Variants in C10orf90 observed in about 807,000 individuals in gnomAD.
C10orf90 encodes chromosome 10 open reading frame 90.
Under a neutral mutation model 62.5 loss-of-function variants are expected in C10orf90, and 56 were observed. The ratio of observed to expected loss-of-function variants is 0.90; its 90% CI spans 0.72 to 1.12. C10orf90 has a LOEUF of 1.12. Ranked by LOEUF, C10orf90 falls within the 50% of genes most tolerant of loss-of-function variation. The pLI is 0.00. For missense variants in C10orf90, 970 were observed against 880.4 expected, an observed-to-expected ratio of 1.10 and a Z score of -1.29; for synonymous variants, 386 against 340.4, an observed-to-expected ratio of 1.13 and a Z score of -1.47.
At chr10:126,558,483 C>T (rs536894253) in intron 2 of C10orf90, among the ~76,000 whole-genome samples, 18 of 152,314 alleles carry the variant, frequency 1.2e-4, no homozygotes, top group South Asian at 6.2e-4. Context: ...ATTCTGCAGG[C>T]GGGCTGTGCA....
chr10:126,603,512 G>A (rs1308356563), intron 2 of C10orf90, among the ~76,000 whole-genome samples: 1 of 152,140 alleles, frequency 6.6e-6, no homozygotes, highest in African/African-American at 2.4e-5. Flanking sequence ...ATATCATCAT[G>A]CATGTCATCC....
intron 8 of C10orf90, among the ~76,000 whole-genome samples, chr10:126,426,955 C>G (rs1174607908): frequency 1.3e-5 from 2 of 152,198 alleles, no homozygotes; most frequent in African/African-American, 4.8e-5. Context: ...TTCATATTCA[C>G]CACAGTTGGA....
intron 2 of C10orf90, among the ~76,000 whole-genome samples, chr10:126,605,879 G>GCATACATACATACATACATACATA (rs71488504): frequency 1.4e-5 from 2 of 142,698 alleles, no homozygotes; most frequent in African/African-American, 6.0e-5. Context: ...ATACATACAT[G>GCATACATACATACATACATACATA]CATACATACA....
chr10:126,565,437 TACACACAC>T (rs71032507), intron 2 of C10orf90, among the ~76,000 whole-genome samples: 6 of 72,442 alleles, frequency 8.3e-5, no homozygotes, highest in African/African-American at 3.1e-4. Flanking sequence ...ATATATATTA[TACACACAC>T]ACACACACAC....
chr10:126,538,122 C>A (rs1437593699), intron 2 of C10orf90, among the ~76,000 whole-genome samples: 1 of 152,296 alleles, frequency 6.6e-6, no homozygotes, highest in African/African-American at 2.4e-5. Flanking sequence ...GGAGGCCTCA[C>A]AATCATGGTG....
intron 7 of C10orf90, among the ~76,000 whole-genome samples, chr10:126,444,127 A>T (rs1858581158): frequency 6.6e-6 from 1 of 152,116 alleles, no homozygotes; most frequent in Non-Finnish European, 1.5e-5. Context: ...AAGGATGCCC[A>T]CGCTCACCAC....
Position 126,651,246 on chromosome 10 carries a change from T to C in C10orf90, c.241-4609A>G, listed in dbSNP as rs2133858602. ...CCTGAGTACTCACTATGGATCCTAA[T>C]CTGCAATGCTAACATGCATAAAGCT... On this transcript the variant is annotated intron_variant, in intron 1 of 9. Transcript: ENST00000488181. Among the ~76,000 whole-genome samples the C allele has an allele frequency of 3.3e-5, 5 of 152,304 alleles. 2 individuals are homozygous for C. Among genetic ancestry groups the C allele is most frequent in the Admixed American group, 3.3e-4 (5 of 15,300 alleles).
chr10:126,537,904 T>A (rs1864276039), intron 2 of C10orf90, among the ~76,000 whole-genome samples: 2 of 152,148 alleles, frequency 1.3e-5, no homozygotes, highest in Non-Finnish European at 2.9e-5. Context: ...TAAAATGAGG[T>A]CGTTAGAGTG....
rs148396479 is a variant in C10orf90 at position 126,626,542 on chromosome 10, T to C, written c.313+20023A>G. On this transcript the variant is annotated intron_variant, in intron 2 of 9. Coordinates refer to ENST00000488181, the MANE Select transcript of C10orf90 (RefSeq NM_001350921.2). ...GGCTTATTACTGTGATAATAAAACC[T>C]TACCCTGGCTTGAGATATGTTCTTC... is the stretch of plus-strand genomic sequence containing the variant. Among the ~76,000 whole-genome samples, 265 of 152,310 alleles carry C rather than the reference T, an allele frequency of 1.7e-3. 1 individual carries two copies. The highest frequency in any genetic ancestry group is 3.1e-3 in the Non-Finnish European group (212 of 68,020).
intron 4 of C10orf90, among the ~76,000 whole-genome samples, chr10:126,470,699 A>G (rs997847725): frequency 2.6e-5 from 4 of 151,886 alleles, no homozygotes; most frequent in African/African-American, 9.7e-5. Context: ...GCAGTGAGCC[A>G]TGATGGCACC....
At chr10:126,468,413 A>G (rs1039847754) in intron 4 of C10orf90, among the ~76,000 whole-genome samples, 29 of 152,328 alleles carry the variant, frequency 1.9e-4, no homozygotes, top group Admixed American at 1.7e-3. Flanking sequence ...TCTGTTAGAT[A>G]AAAGCTTCCA....
chr10:126,565,403 T>C (rs1371065775), intron 2 of C10orf90, among the ~76,000 whole-genome samples: 2 of 56,948 alleles, frequency 3.5e-5, no homozygotes, highest in African/African-American at 7.3e-5. Context: ...TATTATATTA[T>C]ATATAATATA....
chr10:126,564,596 G>T (rs535171252), intron 2 of C10orf90, among the ~76,000 whole-genome samples: 20 of 150,412 alleles, frequency 1.3e-4, no homozygotes, highest in African/African-American at 4.2e-4. Flanking sequence ...GAAGTTCCCA[G>T]ATTGAAACCA....
rs1470874859 is a variant in C10orf90, at chr10:126,453,311, T to C, written c.2188+5729A>G. On this transcript the variant is annotated intron_variant, in intron 7 of 9. Coordinates refer to ENST00000488181, the MANE Select transcript of C10orf90 (RefSeq NM_001350921.2). This position sits in a 1 kb window ranked among gnomAD's most constrained non-coding sequence, Gnocchi z 4.9. ...AGTATGCCCACCAGCTCTTACAATC[T>C]AGAAGGTTTTCCAACACAACCACAC... 1.3e-5 allele frequency among the ~76,000 whole-genome samples: 2 copies of C among 152,086 alleles called. No individual in the cohort carries two copies. The highest frequency in any genetic ancestry group is 3.9e-4 in the East Asian group (2 of 5,172).
intron 4 of C10orf90, among the ~76,000 whole-genome samples, chr10:126,474,212 T>C (rs1860739695): frequency 6.6e-6 from 1 of 152,134 alleles, no homozygotes; most frequent in South Asian, 2.1e-4. Flanking sequence ...CTGCCCATCA[T>C]GGTCATTCAG....
chr10:126,489,547 G>T (rs1004219684), intron 4 of C10orf90, among the ~76,000 whole-genome samples: 9 of 152,088 alleles, frequency 5.9e-5, no homozygotes, highest in African/African-American at 1.7e-4. Context: ...TATCAGGATG[G>T]ATATTAATTG....
intron 7 of C10orf90, among the ~76,000 whole-genome samples, chr10:126,455,390 A>G (rs1277231858): frequency 2.6e-5 from 4 of 152,234 alleles, no homozygotes; most frequent in Admixed American, 1.3e-4. Flanking sequence ...GAGCAAGGCT[A>G]CCACCTATGA....
chr10:126,659,012 G>A (rs968964684), intron 1 of C10orf90, among the ~76,000 whole-genome samples: 2 of 152,172 alleles, frequency 1.3e-5, no homozygotes, highest in African/African-American at 2.4e-5. Flanking sequence ...AGTCTTCATG[G>A]TTTCTTTTCC....
intron 2 of C10orf90, among the ~76,000 whole-genome samples, chr10:126,544,425 C>T (rs1017315198): frequency 6.6e-6 from 1 of 152,152 alleles, no homozygotes; most frequent in African/African-American, 2.4e-5. Flanking sequence ...TGGGCCACTA[C>T]CCCTGCTGGG....
Sources: gnomAD v4.1 joint callset for allele counts (sites outside exome capture counted in the v4.1 genomes callset) on GRCh38, gnomAD v4.1.1 for gene constraint, Gnocchi (gnomAD v3.1) non-coding constraint, MANE v1.5 for transcripts, NCBI Gene and HGNC (gene_info 2026-07-23, HGNC 2026-07-21) for gene names.